Variants in VTI1A observed in about 807,000 individuals in gnomAD.
VTI1A encodes the protein vesicle transport through interaction with t-SNAREs homolog 1A.
Under a neutral mutation model 34.9 loss-of-function variants are expected in VTI1A, and 22 were observed. The observed-to-expected ratio is 0.63, with a 90% confidence interval of 0.45 to 0.90. VTI1A has a LOEUF of 0.90. Among genes scored for constraint, VTI1A ranks in the 40% least tolerant of loss-of-function variants. The pLI is 0.00. For synonymous variants in VTI1A, 87 were observed against 97.3 expected (o/e 0.89, Z 0.62); for missense variants, 268 against 275.6 (o/e 0.97, Z 0.20).
intron 3 of VTI1A, among the ~76,000 whole-genome samples, chr10:112,520,734 A>G (rs1359494769): frequency 6.6e-6 from 1 of 151,138 alleles, no homozygotes; most frequent in Non-Finnish European, 1.5e-5. Flanking sequence ...TTTAAAAAGT[A>G]ATTTAGGGGA....
intron 5 of VTI1A, among the ~76,000 whole-genome samples, chr10:112,577,747 A>C (rs1843764170): frequency 6.6e-6 from 1 of 152,208 alleles, no homozygotes; most frequent in African/African-American, 2.4e-5. Context: ...ACAAGCTGGA[A>C]ATATAATTTA....
intron 7 of VTI1A, among the ~76,000 whole-genome samples, chr10:112,771,151 C>T (rs1227074685): frequency 6.6e-6 from 1 of 152,220 alleles, no homozygotes; most frequent in Non-Finnish European, 1.5e-5. Flanking sequence ...TGGGTTCAAA[C>T]CCAGGCACTG....
the VTI1A span, among the ~76,000 whole-genome samples, chr10:112,833,060 A>G: frequency 1.6e-4 from 25 of 151,710 alleles, no homozygotes; most frequent in Admixed American, 5.2e-4. Context: ...GTGGATCAGA[A>G]GAGTTCACAT....
In VTI1A at chr10:112,594,063, C is replaced by T. The variant is rs570344598; in HGVS notation, c.427+55733C>T. 1.9e-3 allele frequency among the ~76,000 whole-genome samples: 291 copies of T among 152,306 alleles called. 1 individual carries two copies. The highest frequency in any genetic ancestry group is 6.6e-3 in the African/African-American group (276 of 41,574). On this transcript the variant is annotated intron_variant, in intron 5 of 7. Transcript: ENST00000393077. ...CAGCTGGGACTACAGGAGCCTGCCA[C>T]CATGCCCGGCTAATTTTTTTTGTAT...
At chr10:112,705,833 G>A (rs1232763375) in intron 7 of VTI1A, among the ~76,000 whole-genome samples, 1 of 152,122 alleles carries the variant, frequency 6.6e-6, no homozygotes, top group Non-Finnish European at 1.5e-5. Context: ...AGGTCACCAA[G>A]GAGGAAGAAA....
At chr10:112,618,904 A>G (rs1845625339) in intron 5 of VTI1A, among the ~76,000 whole-genome samples, 1 of 152,098 alleles carries the variant, frequency 6.6e-6, no homozygotes, top group Admixed American at 6.5e-5. Flanking sequence ...GGTAGAGGAA[A>G]TACATTGAAA....
chr10:112,811,900 C>T (rs538870930), intron 7 of VTI1A, among the ~76,000 whole-genome samples: 127 of 152,260 alleles, frequency 8.3e-4, no homozygotes, highest in African/African-American at 3.0e-3. Context: ...GAGCTCGTTT[C>T]CAGGCTGGGA....
chr10:112,757,549 T>C (rs1851331591), intron 7 of VTI1A, among the ~76,000 whole-genome samples: 1 of 141,462 alleles, frequency 7.1e-6, no homozygotes, highest in African/African-American at 2.5e-5. Context: ...CACGCCAGAC[T>C]AATTGTTTGT....
intron 7 of VTI1A, among the ~76,000 whole-genome samples, chr10:112,729,863 G>T (rs1035061518): frequency 5.9e-5 from 9 of 152,204 alleles, no homozygotes; most frequent in African/African-American, 2.2e-4. Flanking sequence ...AGTGGTACTG[G>T]CAAGTGTCAT....
At chr10:112,834,055 C>T in the VTI1A span, among the ~76,000 whole-genome samples, 1 of 152,158 alleles carries the variant, frequency 6.6e-6, no homozygotes, top group Admixed American at 6.5e-5. Flanking sequence ...GAACCTCGTT[C>T]CCTTCCCTGC....
chr10:112,647,068 G>T (rs1846821897), intron 5 of VTI1A, among the ~76,000 whole-genome samples: 1 of 152,150 alleles, frequency 6.6e-6, no homozygotes, highest in African/African-American at 2.4e-5. Context: ...CAGGCAAGTT[G>T]TTTAACCTTT....
intron 3 of VTI1A, among the ~76,000 whole-genome samples, chr10:112,484,614 TTAAG>T (rs879758805): frequency 2.7e-5 from 4 of 150,642 alleles, no homozygotes; most frequent in Non-Finnish European, 4.4e-5. Context: ...ACTTACTTAA[TTAAG>T]TTTTATTACT....
chr10:112,763,088 T>C lies in VTI1A; in HGVS notation c.561-52202T>C, dbSNP rs193070852. 2.2e-4 allele frequency among the ~76,000 whole-genome samples: 33 copies of C among 151,950 alleles called. No homozygotes were observed. The South Asian group carries it at 4.6e-3, about 21-fold the overall frequency. On this transcript the variant is annotated intron_variant, in intron 7 of 7. Coordinates refer to ENST00000393077, the MANE Select transcript of VTI1A (RefSeq NM_145206.4). ...CTATTAGTGGTACCAGTTTGGTGAGTAGAGAATGAATAACTGAGCATGTGG... is the reference window on the plus strand; with the variant it reads ...CTATTAGTGGTACCAGTTTGGTGAGCAGAGAATGAATAACTGAGCATGTGG...
chr10:112,843,972 C>A, the VTI1A span, among the ~76,000 whole-genome samples: 1 of 152,182 alleles, frequency 6.6e-6, no homozygotes, highest in East Asian at 1.9e-4. Flanking sequence ...GGTTTGCAGA[C>A]TGTGTGCCCA....
At chr10:112,753,105 T>C (rs1289310114) in intron 7 of VTI1A, among the ~76,000 whole-genome samples, 1 of 152,030 alleles carries the variant, frequency 6.6e-6, no homozygotes, top group African/African-American at 2.4e-5. Flanking sequence ...GTTTATAAAA[T>C]AGATGTAGCC....
intron 7 of VTI1A, among the ~76,000 whole-genome samples, chr10:112,795,984 T>G (rs978714383): frequency 6.6e-6 from 1 of 152,202 alleles, no homozygotes; most frequent in Admixed American, 6.5e-5. Flanking sequence ...TGCTGTTAGT[T>G]CAACTAGTGT....
chr10:112,572,802 A>G (rs142983821), intron 5 of VTI1A, among the ~76,000 whole-genome samples: 1,724 of 150,466 alleles, frequency 0.011, 35 homozygotes, highest in African/African-American at 0.039. Context: ...TCGCGCCACT[A>G]CACTCCAGAC....
the VTI1A span, among the ~76,000 whole-genome samples, chr10:112,843,283 T>C: frequency 3.3e-5 from 5 of 152,224 alleles, no homozygotes; most frequent in African/African-American, 1.2e-4. Flanking sequence ...GTGACCATGA[T>C]GCTAAGGACA....
intron 7 of VTI1A, among the ~76,000 whole-genome samples, chr10:112,776,934 T>C (rs1851970988): frequency 6.6e-6 from 1 of 152,122 alleles, no homozygotes; most frequent in Non-Finnish European, 1.5e-5. Flanking sequence ...TGCCTTGGCC[T>C]CCCAAAGTGC....
Sources: gnomAD v4.1 joint callset for allele counts (sites outside exome capture counted in the v4.1 genomes callset) on GRCh38, gnomAD v4.1.1 for gene constraint, MANE v1.5 for transcripts, NCBI Gene and HGNC (gene_info 2026-07-23, HGNC 2026-07-21) for gene names.